The following HES4 variants were observed in gnomAD, a reference collection of about 807,000 sequenced individuals.
HES4 encodes hes family bHLH transcription factor 4, also known as transcription factor HES-4.
Under a neutral mutation model 10.7 loss-of-function variants are expected in HES4, and 17 were observed. The ratio of observed to expected loss-of-function variants is 1.59; its 90% confidence interval spans 1.09 to 2.38. The LOEUF (loss-of-function observed/expected upper bound fraction) is 2.38. Among genes scored for constraint, HES4 ranks in the 30% most tolerant of loss-of-function variants. The pLI is 0.00. For synonymous variants in HES4, 189 were observed against 159.7 expected, an observed-to-expected ratio of 1.18 and a Z score of -1.38; for missense variants, 389 against 332.1, an observed-to-expected ratio of 1.17 and a Z score of -1.33.
In HES4 at chr1:999,947, C is replaced by G. The variant is rs764175609; in HGVS notation, c.27G>C (p.Pro9=). 6.9e-7 allele frequency: 1 copy of G among 1,453,620 alleles called. No homozygotes were observed. Among genetic ancestry groups the G allele is most frequent in the South Asian group, 1.3e-5 (1 of 75,054 alleles). 90.0% of individuals were successfully genotyped at this position (1,453,620 alleles called of 1,614,324 possible). ...GCGCTCCTGCCATCGGCGAGGCGCT[C>G]GGTTTCCCCGGCGTGTCTGCGGCCA... MAADTPGK[P]SASPMAGAPA... is the part of the protein sequence containing the mutation. The change falls in exon 1 of 4, where the codon CCG becomes CCC. Residue 9 remains proline (P), a synonymous_variant. Transcript: ENST00000304952.
At position 999,008 on chromosome 1, in the gene HES4, C is replaced by T. The variant is rs779925817; in HGVS notation, c.*51G>A. 8.1e-5 allele frequency: 101 copies of T among 1,253,598 alleles called. No individual in the cohort carries two copies. Among genetic ancestry groups the T allele is most frequent in the Non-Finnish European group, 9.8e-5 (97 of 993,238 alleles). The allele number at this position is 1,253,598 out of a possible 1,614,324, so 77.7% of individuals were successfully genotyped here. A position where few individuals can be genotyped will look rare whatever the true frequency, so the allele number is the denominator to read the frequency against. On this transcript the variant is annotated 3_prime_UTR_variant, in exon 4 of 4. Transcript: ENST00000304952. ...TCTCTGCTACAGTCTCGGCAAAGGC[C>T]ACGGCCCTAGAACGGGGCGCCGCCT...
chr1:999,594 A>T lies in HES4; in HGVS notation c.224T>A (p.Leu75Gln). The change falls in exon 3 of 4, where the codon CTG (leucine) becomes CAG (glutamine). Residue 75 changes from leucine (L) to glutamine (Q), a missense_variant. Leu to Gln is a moderately radical substitution (Grantham distance 113). Coordinates refer to ENST00000304952, the MANE Select transcript of HES4 (RefSeq NM_021170.4). ...LRKESSRHSKLEKADILEMTV... is the reference protein window; with the variant it reads ...LRKESSRHSKQEKADILEMTV... Reference sequence around the variant, plus strand: ...CATCTCCAGGATGTCCGCCTTCTCCAGCTTCGAGTGGCGGGAGCTCTGGGG... The same window carrying T: ...CATCTCCAGGATGTCCGCCTTCTCCTGCTTCGAGTGGCGGGAGCTCTGGGG... The T allele has an allele frequency of 1.2e-6, 2 of 1,609,340 alleles. No homozygotes were observed. The highest frequency in any genetic ancestry group is 2.2e-5 in the South Asian group (2 of 90,550).
rs1170537000 is a variant in HES4 at position 999,525 on chromosome 1, C to T, written c.292+1G>A. On this transcript the variant is annotated splice_donor_variant, in intron 3 of 3. Coordinates refer to ENST00000304952, the MANE Select transcript of HES4 (RefSeq NM_021170.4). LOFTEE classifies it high-confidence loss of function. ...CCAAGCCGCCGCCGCCCGCGCCTCA[C>T]CCGTCACCTGCACGCGACGCAGGCT... is the stretch of plus-strand genomic sequence containing the variant. The T allele has an allele frequency of 6.3e-7, 1 of 1,595,812 alleles. No individual in the cohort carries two copies. The highest frequency in any genetic ancestry group is 8.5e-7 in the Non-Finnish European group (1 of 1,172,968).
At position 999,437 on chromosome 1, in the gene HES4, G is replaced by A; in HGVS notation, c.293-5C>T. On this transcript the variant is annotated splice_region_variant and splice_polypyrimidine_tract_variant and intron_variant, in intron 3 of 3. Coordinates refer to ENST00000304952, the MANE Select transcript of HES4 (RefSeq NM_021170.4). Reference sequence around the variant, plus strand: ...CGGGGTCGGCGCTGAGCGCGGCTGCGGGAGCGACACAGGAGGAGAGGTCGG... The same window carrying A: ...CGGGGTCGGCGCTGAGCGCGGCTGCAGGAGCGACACAGGAGGAGAGGTCGG... 6.6e-7 allele frequency: 1 copy of A among 1,515,332 alleles called. No homozygotes were observed. The highest frequency in any genetic ancestry group is 8.7e-7 in the Non-Finnish European group (1 of 1,146,112). 93.9% of individuals were successfully genotyped at this position (1,515,332 alleles called of 1,614,324 possible).
rs762668692 is a variant in HES4, at chr1:999,673, GC to G, written c.204+18del. ...CTGCGACCCAGACTCCGGGTCTCGGGCCTTCGCCCCCGACTTACCTCTTTTC... is the reference window on the plus strand; with the variant it reads ...CTGCGACCCAGACTCCGGGTCTCGGGCTTCGCCCCCGACTTACCTCTTTTC... On this transcript the variant is annotated intron_variant, in intron 2 of 3. Coordinates refer to ENST00000304952, the MANE Select transcript of HES4 (RefSeq NM_021170.4). 1.9e-6 allele frequency: 3 copies of G among 1,611,606 alleles called. No individual in the cohort carries two copies. The Admixed American group carries it at 5.0e-5, about 27-fold the overall frequency.
Position 999,421 on chromosome 1 carries a change from C to A in HES4, c.304G>T (p.Ala102Ser), listed in dbSNP as rs200512735. Residue 102 changes from alanine (A) to serine (S), a missense_variant, in exon 4 of 4, where the codon GCC becomes TCC. Physicochemically the swap from Ala to Ser is moderately conservative, Grantham distance 99. Transcript: ENST00000304952. ...RRVQVTAALS[A>S]DPAVLGKYRA... ...TACTTGCCCAGAACGGCGGGGTCGG[C>A]GCTGAGCGCGGCTGCGGGAGCGACA... 2 of 1,499,414 alleles carry A rather than the reference C, an allele frequency of 1.3e-6. No homozygotes were observed. The highest frequency in any genetic ancestry group is 4.7e-5 in the Admixed American group (2 of 42,440). 92.9% of individuals were successfully genotyped at this position (1,499,414 alleles called of 1,614,324 possible).
In HES4 at chr1:999,731, A is replaced by G. The variant is rs757207931; in HGVS notation, c.165T>C (p.Ala55=). The change falls in exon 2 of 4, where the codon GCT becomes GCC. Residue 55 remains alanine (A), a synonymous_variant. Coordinates refer to ENST00000304952, the MANE Select transcript of HES4 (RefSeq NM_021170.4). ...CGTCCAGGATGAGGGTTTTGAGCTG[A>G]GCGAGGCTCTCGTTAATACGCGCTC... is the stretch of plus-strand genomic sequence containing the variant. ...RRRARINESL[A]QLKTLILDAL... is the part of the protein sequence containing the mutation. 6.2e-7 allele frequency: 1 copy of G among 1,611,834 alleles called. No homozygotes were observed. The highest frequency in any genetic ancestry group is 8.5e-7 in the Non-Finnish European group (1 of 1,179,470).
In HES4 at chr1:999,582, T is replaced by C; in HGVS notation, c.236A>G (p.Asp79Gly). The stretch of plus-strand genomic sequence containing the variant: ...GTGTCTCACGGTCATCTCCAGGATG[T>C]CCGCCTTCTCCAGCTTCGAGTGGCG... ...SSRHSKLEKA[D>G]ILEMTVRHLR... Residue 79 changes from aspartate to glycine, a missense_variant, in exon 3 of 4, where the codon GAC (aspartate) becomes GGC (glycine). Transcript: ENST00000304952. The C allele has an allele frequency of 1.9e-6, 3 of 1,610,098 alleles. No homozygotes were observed. Among genetic ancestry groups the C allele is most frequent in the Non-Finnish European group, 2.5e-6 (3 of 1,178,848 alleles).
Position 1,000,046 on chromosome 1 carries a change from G to A in HES4, c.-73C>T, listed in dbSNP as rs2100528786. The A allele has an allele frequency of 1.8e-5, 21 of 1,170,594 alleles. No individual in the cohort carries two copies. The highest frequency in any genetic ancestry group is 2.2e-5 in the Non-Finnish European group (21 of 947,288). The allele number at this position is 1,170,594 out of a possible 1,614,324, so 72.5% of individuals were successfully genotyped here. On this transcript the variant is annotated 5_prime_UTR_variant, in exon 1 of 4. Coordinates refer to ENST00000304952, the MANE Select transcript of HES4 (RefSeq NM_021170.4). ...CCACGGGCGGGCTGGCGGGCGAGCG[G>A]CGAGCGCGCGGCGATCCGAGCCCCT... is the stretch of plus-strand genomic sequence containing the variant.
Position 999,570 on chromosome 1 carries a change from A to G in HES4, c.248T>C (p.Met83Thr). The change falls in exon 3 of 4, where the codon ATG becomes ACG. Residue 83 changes from methionine to threonine, a missense_variant. Coordinates refer to ENST00000304952, the MANE Select transcript of HES4 (RefSeq NM_021170.4). ...CAGGCTCCGCAGGTGTCTCACGGTC[A>G]TCTCCAGGATGTCCGCCTTCTCCAG... ...SKLEKADILE[M>T]TVRHLRSLRR... The G allele has an allele frequency of 1.2e-6, 2 of 1,607,796 alleles. No individual in the cohort carries two copies. Among genetic ancestry groups the G allele is most frequent in the Non-Finnish European group, 8.5e-7 (1 of 1,177,974 alleles).
Position 999,231 on chromosome 1 carries a change from G to C in HES4, c.494C>G (p.Ala165Gly). 1 of 1,338,300 alleles carries C rather than the reference G, an allele frequency of 7.5e-7. No homozygotes were observed. Among genetic ancestry groups the C allele is most frequent in the Non-Finnish European group, 9.5e-7 (1 of 1,051,544 alleles). 82.9% of individuals were successfully genotyped at this position (1,338,300 alleles called of 1,614,324 possible). The part of the protein sequence containing the change: ...RPASLSPAAP[A>G]EAPAPEVYAG... ...GTAGACCTCGGGCGCTGGGGCCTCT[G>C]CGGGGGCAGCCGGGGACAGCGAGGC... The change falls in exon 4 of 4, where the codon GCA becomes GGA. Residue 165 changes from alanine to glycine, a missense_variant. Coordinates refer to ENST00000304952, the MANE Select transcript of HES4 (RefSeq NM_021170.4).
chr1:999,460 C>T lies in HES4; in HGVS notation c.293-28G>A, dbSNP rs1049135194. On this transcript the variant is annotated intron_variant, in intron 3 of 3. Coordinates refer to ENST00000304952, the MANE Select transcript of HES4 (RefSeq NM_021170.4). ...GCGGGAGCGACACAGGAGGAGAGGTCGGTGCCGGGTCCCGGGGGTCCCGCG... is the reference window on the plus strand; with the variant it reads ...GCGGGAGCGACACAGGAGGAGAGGTTGGTGCCGGGTCCCGGGGGTCCCGCG... 11 of 1,553,010 alleles carry T rather than the reference C, an allele frequency of 7.1e-6. No individual in the cohort carries two copies. In the Admixed American group the frequency reaches 8.0e-5, roughly 11 times the overall value.
chr1:999,961 T>C lies in HES4; in HGVS notation c.13A>G (p.Thr5Ala). MAAD[T>A]PGKPSASPMA... ...GGCGAGGCGCTCGGTTTCCCCGGCG[T>C]GTCTGCGGCCATGGTGCGCCCCGCG... Residue 5 changes from threonine (T) to alanine (A), a missense_variant, in exon 1 of 4, where the codon ACG becomes GCG. Physicochemically the swap from Thr to Ala is moderately conservative, Grantham distance 58 (BLOSUM62 0). Transcript: ENST00000304952. 1 of 1,446,980 alleles carries C rather than the reference T, an allele frequency of 6.9e-7. No individual in the cohort carries two copies. Among genetic ancestry groups the C allele is most frequent in the Non-Finnish European group, 9.0e-7 (1 of 1,110,356 alleles). 89.6% of individuals were successfully genotyped at this position (1,446,980 alleles called of 1,614,324 possible). A position where few individuals can be genotyped will look rare whatever the true frequency, so the allele number is the denominator to read the frequency against.
chr1:999,298 G>A lies in HES4; in HGVS notation c.427C>T (p.Leu143=), dbSNP rs1257295342. The A allele has an allele frequency of 1.4e-6, 2 of 1,466,942 alleles. No individual in the cohort carries two copies. Among genetic ancestry groups the A allele is most frequent in the Non-Finnish European group, 1.8e-6 (2 of 1,115,052 alleles). 90.9% of individuals were successfully genotyped at this position (1,466,942 alleles called of 1,614,324 possible). ...CCCAGCTGGCGCAGGCAGGCTGCCA[G>A]GTGGCCCAGCAGGCGGGAGCGCACG... is the stretch of plus-strand genomic sequence containing the variant. ...ADVRSRLLGH[L]AACLRQLGPS... Residue 143 remains leucine, a synonymous_variant, in exon 4 of 4, where the codon CTG becomes TTG. Coordinates refer to ENST00000304952, the MANE Select transcript of HES4 (RefSeq NM_021170.4).
In HES4 at chr1:999,756, C is replaced by G. The variant is rs190676096; in HGVS notation, c.140G>C (p.Arg47Pro). 1 of 1,611,930 alleles carries G rather than the reference C, an allele frequency of 6.2e-7. No individual in the cohort carries two copies. The highest frequency in any genetic ancestry group is 8.5e-7 in the Non-Finnish European group (1 of 1,179,512). The change falls in exon 2 of 4, where the codon CGA becomes CCA. Residue 47 changes from arginine to proline, a missense_variant. By Grantham distance (103) the Arg-to-Pro change is moderately radical. Transcript: ENST00000304952. ...SSKPVMEKRR[R>P]ARINESLAQL... ...AGCGAGGCTCTCGTTAATACGCGCTCGGCGCCGCTTCTCCATGACCGGCTT... is the reference window on the plus strand; with the variant it reads ...AGCGAGGCTCTCGTTAATACGCGCTGGGCGCCGCTTCTCCATGACCGGCTT...
rs897891668 is a variant in HES4, at chr1:999,250, G to A, written c.475C>T (p.Leu159=). The change falls in exon 4 of 4, where the codon CTG becomes TTG. Residue 159 remains leucine, a synonymous_variant. Transcript: ENST00000304952. The part of the protein sequence containing the change: ...QLGPSRRPAS[L]SPAAPAEAPA... ...GCCTCTGCGGGGGCAGCCGGGGACA[G>A]CGAGGCCGGGCGGCGGGAGGGTCCC... 1.1e-5 allele frequency: 16 copies of A among 1,391,806 alleles called. No individual in the cohort carries two copies. The highest frequency in any genetic ancestry group is 1.4e-5 in the Non-Finnish European group (15 of 1,077,484). 86.2% of individuals were successfully genotyped at this position (1,391,806 alleles called of 1,614,324 possible). A position where few individuals can be genotyped will look rare whatever the true frequency, so the allele number is the denominator to read the frequency against.
In HES4 at chr1:999,699, C is replaced by G; in HGVS notation, c.197G>C (p.Arg66Thr). The G allele has an allele frequency of 3.1e-6, 5 of 1,611,698 alleles. No homozygotes were observed. The highest frequency in any genetic ancestry group is 4.2e-6 in the Non-Finnish European group (5 of 1,179,424). Residue 66 changes from arginine (R) to threonine (T), a missense_variant, in exon 2 of 4, where the codon AGA becomes ACA. Coordinates refer to ENST00000304952, the MANE Select transcript of HES4 (RefSeq NM_021170.4). ...CCTTCGCCCCCGACTTACCTCTTTT[C>G]TGAGGGCGTCCAGGATGAGGGTTTT... Reference protein sequence around the residue: ...QLKTLILDALRKESSRHSKLE... With the variant: ...QLKTLILDALTKESSRHSKLE...
Position 999,007 on chromosome 1 carries a change from C to T in HES4, c.*52G>A. The T allele has an allele frequency of 4.0e-6, 5 of 1,252,724 alleles. No homozygotes were observed. The highest frequency in any genetic ancestry group is 3.3e-5 in the South Asian group (1 of 30,026). 77.6% of individuals were successfully genotyped at this position (1,252,724 alleles called of 1,614,324 possible). ...TTCTCTGCTACAGTCTCGGCAAAGG[C>T]CACGGCCCTAGAACGGGGCGCCGCC... On this transcript the variant is annotated 3_prime_UTR_variant, in exon 4 of 4. Coordinates refer to ENST00000304952, the MANE Select transcript of HES4 (RefSeq NM_021170.4).
rs1643997142 is a variant in HES4, at chr1:999,687, C to CTGG, written c.204+4_204+5insCCA. The CTGG allele has an allele frequency of 6.2e-7, 1 of 1,611,614 alleles. No homozygotes were observed. The highest frequency in any genetic ancestry group is 1.3e-5 in the African/African-American group (1 of 74,720). On this transcript the variant is annotated splice_donor_region_variant and intron_variant, in intron 2 of 3. Coordinates refer to ENST00000304952, the MANE Select transcript of HES4 (RefSeq NM_021170.4). The stretch of plus-strand genomic sequence containing the variant: ...CCGGGTCTCGGGCCTTCGCCCCCGA[C>CTGG]TTACCTCTTTTCTGAGGGCGTCCAG...
Sources: gnomAD v4.1 joint callset for allele counts on GRCh38, gnomAD v4.1.1 for gene constraint, MANE v1.5 for transcripts, NCBI Gene and HGNC (gene_info 2026-07-23, HGNC 2026-07-21) for gene names.